CLEC16A: variants seen among roughly 807,000 people sequenced by gnomAD.
The protein encoded by CLEC16A is C-type lectin domain containing 16A.
In CLEC16A, 51 loss-of-function variants were observed where a neutral mutation model predicts 109.5. The observed-to-expected ratio is 0.47, with a 90% CI of 0.37 to 0.59. The LOEUF is 0.59. Ranked by LOEUF, CLEC16A falls within the 20% of genes least tolerant of loss-of-function variation. The pLI is 0.00. For missense variants in CLEC16A, 1,339 were observed against 1,394.0 expected (o/e 0.96, Z 0.63); for synonymous variants, 673 against 564.2 (o/e 1.19, Z -2.73).
intron 10 of CLEC16A, among the ~76,000 whole-genome samples, chr16:10,986,837 A>G (rs1008330454): frequency 2.4e-5 from 3 of 126,358 alleles, no homozygotes; most frequent in Non-Finnish European, 5.1e-5. Context: ...AGTTTTTTTG[A>G]TTTTTTTTTT....
chr16:11,034,081 G>A (rs1357957185), intron 13 of CLEC16A, among the ~76,000 whole-genome samples: 3 of 152,184 alleles, frequency 2.0e-5, no homozygotes, highest in Non-Finnish European at 4.4e-5. Flanking sequence ...GTTTTGCTGA[G>A]AAGTTAATGG....
At chr16:11,166,598 C>A in intron 23 of CLEC16A, 46 bp downstream of exon 23, 2 of 1,508,420 alleles carry the variant, frequency 1.3e-6, no homozygotes, top group Non-Finnish European at 1.8e-6. Context: ...TGGAGAACCC[C>A]GTGATCCCTC....
intron 15 of CLEC16A, 94 bp from the exon 16 acceptor site, chr16:11,043,934 T>C: frequency 1.1e-6 from 1 of 952,176 alleles, no homozygotes; most frequent in Non-Finnish European, 1.6e-6. Context: ...CCAGATCTGT[T>C]TTATACACAC....
rs770797120 is a variant in CLEC16A at position 11,039,892 on chromosome 16, G to C, written c.1660+16G>C. 7 of 1,610,664 alleles carry C rather than the reference G, an allele frequency of 4.3e-6. No individual in the cohort carries two copies. The highest frequency in any genetic ancestry group is 5.9e-6 in the Non-Finnish European group (7 of 1,178,536). The stretch of plus-strand genomic sequence containing the variant: ...GCCCAGCCAGGTGCCCACTTGGGGT[G>C]TTGTCTGTCCACAGGGCCACGCAGT... On this transcript the variant is annotated intron_variant, in intron 14 of 23. Transcript: ENST00000409790.
intron 19 of CLEC16A, among the ~76,000 whole-genome samples, chr16:11,108,574 G>A (rs1185659804): frequency 6.6e-6 from 1 of 152,252 alleles, no homozygotes. Flanking sequence ...CCTCAGCCAG[G>A]GGACTGGAAT....
At position 11,115,441 on chromosome 16, in the gene CLEC16A, G is replaced by A. The variant is rs116696221; in HGVS notation, c.2117-5174G>A. On this transcript the variant is annotated intron_variant, in intron 19 of 23. Coordinates refer to ENST00000409790, the MANE Select transcript of CLEC16A (RefSeq NM_015226.3). The stretch of plus-strand genomic sequence containing the variant: ...GACCGGAGTTCAGTGGTGTGATCAC[G>A]GCTCTCTATAGCCTCAACCTCCCTG... 4.7e-3 allele frequency among the ~76,000 whole-genome samples: 709 copies of A among 152,218 alleles called. 5 individuals carry two copies. The highest frequency in any genetic ancestry group is 0.031 in the Middle Eastern group (9 of 294).
intron 11 of CLEC16A, among the ~76,000 whole-genome samples, chr16:11,007,335 C>G (rs1276408183): frequency 6.6e-6 from 1 of 152,054 alleles, no homozygotes; most frequent in Non-Finnish European, 1.5e-5. Context: ...TTTTGGAAGT[C>G]TCTACTGAAA....
Position 11,125,912 on chromosome 16 carries a change from C to G in CLEC16A, c.2474-67C>G, listed in dbSNP as rs537950598. 2.1e-3 allele frequency: 485 copies of G among 225,730 alleles called. 25 individuals carry two copies. Among genetic ancestry groups the G allele is most frequent in the South Asian group, 0.021 (277 of 13,172 alleles). 14.0% of individuals were successfully genotyped at this position (225,730 alleles called of 1,614,324 possible). ...CCACAGCCACTACGATGTCCCCCCC[C>G]CCAAATTCTCACCACCCCCCTCTAT... On this transcript the variant is annotated intron_variant, in intron 21 of 23. Transcript: ENST00000409790.
rs200148521 is a variant in CLEC16A at position 11,039,759 on chromosome 16, G to T, written c.1543G>T (p.Asp515Tyr). 6.3e-7 allele frequency: 1 copy of T among 1,599,492 alleles called. No homozygotes were observed. The highest frequency in any genetic ancestry group is 1.3e-5 in the African/African-American group (1 of 74,662). ...ATCCTTCTCCTCTGTTCCAGGCATG[G>T]ATCCTGAAAAATTAGAGCGAATCCA... ...LYAMSHNKGM[D>Y]PEKLERIQLP... The change falls in exon 14 of 24, where the codon GAT becomes TAT. Residue 515 changes from aspartate to tyrosine, a missense_variant. Around this residue, in one of 3 missense-constraint regions of CLEC16A, gnomAD observed 1,061 missense variants for 1,006.8 expected, o/e 1.05. Transcript: ENST00000409790.
At chr16:11,121,879 CAAAAAAAAAA>C (rs536067685) in intron 20 of CLEC16A, among the ~76,000 whole-genome samples, 7 of 29,828 alleles carry the variant, frequency 2.3e-4, no homozygotes, top group South Asian at 2.9e-3. Flanking sequence ...GACCCTGTCT[CAAAAAAAAAA>C]AAAAAAAAAA....
chr16:11,058,840 C>T (rs938047366), intron 18 of CLEC16A, among the ~76,000 whole-genome samples: 1 of 152,190 alleles, frequency 6.6e-6, no homozygotes, highest in African/African-American at 2.4e-5. Flanking sequence ...CCAAGAGGAA[C>T]AGGCGTTTGG....
intron 17 of CLEC16A, chr16:11,048,102 C>T (rs1235733715): frequency 6.6e-6 from 1 of 152,282 alleles, no homozygotes; most frequent in Non-Finnish European, 1.5e-5. Context: ...AATGAGGAAA[C>T]TGAGTCAGAG....
At chr16:11,045,772 C>T (rs1194361778) in intron 16 of CLEC16A, among the ~76,000 whole-genome samples, 2 of 152,208 alleles carry the variant, frequency 1.3e-5, no homozygotes, top group Non-Finnish European at 2.9e-5. Flanking sequence ...GCAACACTGC[C>T]ATTTCCTTGT....
At chr16:11,016,354 C>CT (rs111279202) in intron 11 of CLEC16A, among the ~76,000 whole-genome samples, 4,239 of 141,636 alleles carry the variant, frequency 0.03, 133 homozygotes, top group Middle Eastern at 0.15. Flanking sequence ...CTTTTTTTTT[C>CT]TTTTTTTTTT....
At chr16:10,968,096 A>T (rs1213907739) in intron 3 of CLEC16A, among the ~76,000 whole-genome samples, 4 of 152,230 alleles carry the variant, frequency 2.6e-5, no homozygotes, top group African/African-American at 9.6e-5. Flanking sequence ...GGGGCCGGGC[A>T]GGTGAGCTGG....
At chr16:10,982,061 G>T (rs537212803) in intron 9 of CLEC16A, among the ~76,000 whole-genome samples, 1 of 152,342 alleles carries the variant, frequency 6.6e-6, no homozygotes, top group East Asian at 1.9e-4. Flanking sequence ...ATACAAACAT[G>T]CACACGCTTT....
At chr16:11,008,914 G>T (rs1033009568) in intron 11 of CLEC16A, among the ~76,000 whole-genome samples, 71 of 151,932 alleles carry the variant, frequency 4.7e-4, no homozygotes, top group Non-Finnish European at 8.8e-4. Context: ...CAGGAGAATG[G>T]CGTGAACCCG....
intron 22 of CLEC16A, among the ~76,000 whole-genome samples, chr16:11,144,376 C>G (rs2053966479): frequency 6.6e-6 from 1 of 152,168 alleles, no homozygotes; most frequent in African/African-American, 2.4e-5. Flanking sequence ...TCCAGGCAGA[C>G]AGCTGTGTTC....
intron 22 of CLEC16A, among the ~76,000 whole-genome samples, chr16:11,128,950 C>G (rs536078799): frequency 2.0e-5 from 3 of 152,222 alleles, no homozygotes; most frequent in African/African-American, 7.2e-5. Flanking sequence ...ATACCCCTGC[C>G]TCCAGCTTTT....
Sources: gnomAD v4.1 joint callset for allele counts (sites outside exome capture counted in the v4.1 genomes callset) on GRCh38, gnomAD v4.1.1 for gene constraint, gnomAD v4.1.1 regional missense constraint, MANE v1.5 for transcripts, NCBI Gene and HGNC (gene_info 2026-07-23, HGNC 2026-07-21) for gene names.